Variants in FKBP5 observed in about 807,000 individuals in gnomAD.
The protein encoded by FKBP5 is peptidyl-prolyl cis-trans isomerase FKBP5.
Under a neutral mutation model 50.5 loss-of-function variants are expected in FKBP5, and 23 were observed. The ratio of observed to expected loss-of-function variants is 0.46; its 90% confidence interval spans 0.33 to 0.65. The LOEUF (loss-of-function observed/expected upper bound fraction) is 0.65. FKBP5 is among the 30% of genes least tolerant of loss of function. The pLI is 0.02. For synonymous variants in FKBP5, 176 were observed against 190.6 expected (o/e 0.92, Z 0.63); for missense variants, 411 against 553.1 (o/e 0.74, Z 2.58).
At position 35,638,764 on chromosome 6, in the gene FKBP5, T is replaced by A. The variant is rs1335007164; in HGVS notation, c.106-1606A>T. Among the ~76,000 whole-genome samples, 2 of 152,142 alleles carry A rather than the reference T, an allele frequency of 1.3e-5. 1 individual carries two copies. Among genetic ancestry groups the A allele is most frequent in the East Asian group, 3.9e-4 (2 of 5,186 alleles). On this transcript the variant is annotated intron_variant, in intron 2 of 10. Transcript: ENST00000357266. ...AGAAACACTACTGCCCTTCTAGGAC[T>A]TCAAAAGAAAAAAAAAGTCTCAAAA...
intron 8 of FKBP5, chr6:35,583,100 C>CCAA: frequency 2.0e-6 from 2 of 985,298 alleles, no homozygotes; most frequent in Non-Finnish European, 2.4e-6. Context: ...AAAAACAATA[C>CCAA]CAACAACAAA....
intron 1 of FKBP5, among the ~76,000 whole-genome samples, chr6:35,648,140 C>T (rs1479204349): frequency 6.6e-6 from 1 of 152,144 alleles, no homozygotes; most frequent in Non-Finnish European, 1.5e-5. Context: ...ATGGTGTTTT[C>T]AAAAACCATG....
chr6:35,726,468 C>T (rs76917354), intron 1 of FKBP5, among the ~76,000 whole-genome samples: 7,569 of 151,532 alleles, frequency 0.05, 247 homozygotes, highest in Middle Eastern at 0.1. Context: ...AAGTGCCTAG[C>T]GTGGAGGTTG....
chr6:35,586,659 T>C, intron 8 of FKBP5: 1 of 1,028,590 alleles, frequency 9.7e-7, no homozygotes, highest in Non-Finnish European at 1.2e-6. Flanking sequence ...CCTTATGAAT[T>C]CCATTCTTTG....
In FKBP5 at chr6:35,614,237, G is replaced by A. The variant is rs568158040; in HGVS notation, c.508+4859C>T. On this transcript the variant is annotated intron_variant, in intron 5 of 10. Transcript: ENST00000357266. ...AGAAAAAAATAAAATGACATAAAACGTAATAAAATACAGGAAGAAAAACCA... is the reference window on the plus strand; with the variant it reads ...AGAAAAAAATAAAATGACATAAAACATAATAAAATACAGGAAGAAAAACCA... Among the ~76,000 whole-genome samples the A allele has an allele frequency of 9.9e-5, 15 of 151,964 alleles. No homozygotes were observed. The South Asian group carries it at 1.5e-3, about 15-fold the overall frequency.
At chr6:35,585,662 C>T (rs57155120) in intron 8 of FKBP5, 15,707 of 925,564 alleles carry the variant, frequency 0.017, 219 homozygotes, top group African/African-American at 0.058. Context: ...TATATTTATA[C>T]TTATCTAAAC....
chr6:35,606,603 T>A (rs550195768), intron 5 of FKBP5, among the ~76,000 whole-genome samples: 1 of 132,286 alleles, frequency 7.6e-6, no homozygotes, highest in East Asian at 2.2e-4. Context: ...GGAGTTGCAG[T>A]GAGCCAAGAT....
In FKBP5 at chr6:35,610,933, G is replaced by C. The variant is rs560671169; in HGVS notation, c.508+8163C>G. Among the ~76,000 whole-genome samples the C allele has an allele frequency of 3.3e-5, 5 of 152,254 alleles. No individual in the cohort carries two copies. The East Asian group carries it at 7.7e-4, about 24-fold the overall frequency. On this transcript the variant is annotated intron_variant, in intron 5 of 10. Transcript: ENST00000357266. Reference sequence around the variant, plus strand: ...TAATTCTAAATTCAGGAAAAGTTGAGAACTACTGCACTGGAGGTTTACTGG... The same window carrying C: ...TAATTCTAAATTCAGGAAAAGTTGACAACTACTGCACTGGAGGTTTACTGG...
intron 5 of FKBP5, among the ~76,000 whole-genome samples, chr6:35,618,181 G>A (rs549500635): frequency 6.6e-6 from 1 of 152,216 alleles, no homozygotes; most frequent in Admixed American, 6.5e-5. Context: ...AAGGTTGTGA[G>A]AAATAAATGA....
chr6:35,678,247 G>A (rs1206147241), intron 1 of FKBP5, among the ~76,000 whole-genome samples: 2 of 152,030 alleles, frequency 1.3e-5, no homozygotes, highest in African/African-American at 4.8e-5. Flanking sequence ...TGGAGGGAGT[G>A]GGGAGGGGTC....
chr6:35,701,520 G>A (rs550462879), intron 2 of FKBP5, among the ~76,000 whole-genome samples: 2 of 151,946 alleles, frequency 1.3e-5, no homozygotes, highest in South Asian at 4.2e-4. Flanking sequence ...TGGGATTACA[G>A]GCGTGAGCCA....
rs1426669444 is a variant in FKBP5 at position 35,591,072 on chromosome 6, T to C, written c.756+58A>G. The C allele has an allele frequency of 8.9e-6, 10 of 1,119,890 alleles. No individual in the cohort carries two copies. The highest frequency in any genetic ancestry group is 3.1e-5 in the African/African-American group (2 of 64,762). 69.4% of individuals were successfully genotyped at this position (1,119,890 alleles called of 1,614,324 possible). ...CCTACTAAGATAAGATACTGATTTA[T>C]AGGAAGTGGATGGAGAAGAAACCTA... is the stretch of plus-strand genomic sequence containing the variant. On this transcript the variant is annotated intron_variant, in intron 7 of 10. Coordinates refer to ENST00000357266, the MANE Select transcript of FKBP5 (RefSeq NM_004117.4).
intron 1 of FKBP5, among the ~76,000 whole-genome samples, chr6:35,668,925 CCT>C (rs1279747672): frequency 6.6e-6 from 1 of 151,982 alleles, no homozygotes; most frequent in Admixed American, 6.6e-5. Context: ...AGTCATATTT[CCT>C]CTGATAATTT....
chr6:35,587,151 CAG>C lies in FKBP5; in HGVS notation c.757-36_757-35del, dbSNP rs759845351. On this transcript the variant is annotated intron_variant, in intron 7 of 10. Transcript: ENST00000357266. Reference sequence around the variant, plus strand: ...AAATTTGTGACAATGGTTAGATGAACAGAGAGAAAAGCATCAGTTGAGGCCTA... The same window carrying C: ...AAATTTGTGACAATGGTTAGATGAACAGAGAAAAGCATCAGTTGAGGCCTA... 25 of 1,597,410 alleles carry C rather than the reference CAG, an allele frequency of 1.6e-5. 1 individual carries two copies. The South Asian group carries it at 2.5e-4, about 16-fold the overall frequency.
At chr6:35,609,101 A>G (rs1412419077) in intron 5 of FKBP5, among the ~76,000 whole-genome samples, 1 of 152,202 alleles carries the variant, frequency 6.6e-6, no homozygotes, top group Non-Finnish European at 1.5e-5. Flanking sequence ...CTGTTTCATT[A>G]TTAATATTAC....
intron 1 of FKBP5, among the ~76,000 whole-genome samples, chr6:35,661,191 A>G (rs1236446525): frequency 1.2e-5 from 1 of 82,742 alleles, no homozygotes; most frequent in African/African-American, 3.7e-5. Flanking sequence ...GTCTCGCTAC[A>G]TTGAGCAGGC....
At chr6:35,716,254 TC>T (rs1452347483) in intron 2 of FKBP5, among the ~76,000 whole-genome samples, 1 of 152,094 alleles carries the variant, frequency 6.6e-6, no homozygotes, top group African/African-American at 2.4e-5. Flanking sequence ...ACACCCATAG[TC>T]CTAGGTACTC....
chr6:35,682,885 G>C (rs1343309793), intron 1 of FKBP5, among the ~76,000 whole-genome samples: 1 of 137,104 alleles, frequency 7.3e-6, no homozygotes, highest in Non-Finnish European at 1.5e-5. Flanking sequence ...CTCGGTGACA[G>C]AGCAAGAAAC....
chr6:35,726,947 C>A (rs932023941), intron 1 of FKBP5, among the ~76,000 whole-genome samples: 1 of 152,136 alleles, frequency 6.6e-6, no homozygotes, highest in Non-Finnish European at 1.5e-5. Flanking sequence ...GTAAACAGAT[C>A]GCTAGAATAT....
Sources: gnomAD v4.1 joint callset for allele counts (sites outside exome capture counted in the v4.1 genomes callset) on GRCh38, gnomAD v4.1.1 for gene constraint, MANE v1.5 for transcripts, NCBI Gene and HGNC (gene_info 2026-07-23, HGNC 2026-07-21) for gene names.